Variants in ANKRD22 observed in about 807,000 individuals in gnomAD.
The protein encoded by ANKRD22 is ankyrin repeat domain-containing protein 22.
ANKRD22 carries 24 observed loss-of-function variants against 25.7 expected under a neutral mutation model. The ratio of observed to expected loss-of-function variants is 0.93; its 90% CI spans 0.68 to 1.31. The LOEUF is 1.31. Among genes scored for constraint, ANKRD22 ranks in the 50% most tolerant of loss-of-function variants. ANKRD22 has a pLI of 0.00. For missense variants in ANKRD22, 214 were observed against 227.1 expected (o/e 0.94, Z 0.37); for synonymous variants, 84 against 84.3 (o/e 1.00, Z 0.02).
intron 2 of ANKRD22, among the ~76,000 whole-genome samples, chr10:88,831,404 A>G (rs979821714): frequency 2.6e-5 from 4 of 152,224 alleles, no homozygotes; most frequent in Admixed American, 6.5e-5. Flanking sequence ...CAAGAACACT[A>G]TAGGATCCTC....
In ANKRD22 at chr10:88,828,658, T is replaced by C; in HGVS notation, c.222A>G (p.Arg74=). The C allele has an allele frequency of 6.3e-7, 1 of 1,582,292 alleles. No homozygotes were observed. The highest frequency in any genetic ancestry group is 8.6e-7 in the Non-Finnish European group (1 of 1,164,522). Reference sequence around the variant, plus strand: ...TCTTCACAGCATAATGCAAGCAGGTTCTCTCTTTCTAAAAATTAAGAAAAG... The same window carrying C: ...TCTTCACAGCATAATGCAAGCAGGTCCTCTCTTTCTAAAAATTAAGAAAAG... ...ANVNLKNQKE[R]TCLHYAVKKK... is the part of the protein sequence containing the mutation. The change falls in exon 3 of 6, where the codon AGA becomes AGG. Residue 74 remains arginine, a synonymous_variant. Transcript: ENST00000371930.
chr10:88,828,727 T>A, intron 2 of ANKRD22, 61 bp from the exon 3 acceptor site: 1 of 1,277,324 alleles, frequency 7.8e-7, no homozygotes, highest in Non-Finnish European at 1.1e-6. Flanking sequence ...TTTATTCAGA[T>A]GGCCATCTCA....
chr10:88,827,755 G>A (rs112700537), intron 3 of ANKRD22, among the ~76,000 whole-genome samples: 44 of 152,160 alleles, frequency 2.9e-4, no homozygotes, highest in Non-Finnish European at 5.0e-4. Context: ...CTTGTTCTGC[G>A]GCTGATGTTA....
chr10:88,823,456 T>A (rs1244432559), intron 4 of ANKRD22, 78 bp from the exon 5 acceptor site: 1 of 1,019,286 alleles, frequency 9.8e-7, no homozygotes, highest in Non-Finnish European at 1.6e-6. Flanking sequence ...CATTGGCAAA[T>A]CCTTTTCACA....
chr10:88,834,606 A>C (rs1688880961), intron 1 of ANKRD22, among the ~76,000 whole-genome samples: 1 of 152,222 alleles, frequency 6.6e-6, no homozygotes, highest in Non-Finnish European at 1.5e-5. Context: ...AGAATATTTC[A>C]TGTATTAATC....
At chr10:88,833,121 G>A (rs1843922848) in intron 1 of ANKRD22, among the ~76,000 whole-genome samples, 1 of 152,166 alleles carries the variant, frequency 6.6e-6, no homozygotes, top group Admixed American at 6.5e-5. Flanking sequence ...GGAGAGGTTT[G>A]AGGCAGTGCT....
intron 1 of ANKRD22, among the ~76,000 whole-genome samples, chr10:88,847,015 T>A (rs1844055228): frequency 6.6e-6 from 1 of 152,190 alleles, no homozygotes; most frequent in Non-Finnish European, 1.5e-5. Flanking sequence ...TATTCGCAGT[T>A]CTTTTAAATT....
At chr10:88,839,411 C>T (rs1037001866) in intron 1 of ANKRD22, among the ~76,000 whole-genome samples, 1 of 152,180 alleles carries the variant, frequency 6.6e-6, no homozygotes, top group Non-Finnish European at 1.5e-5. Context: ...CACTGCTGTT[C>T]TGCAAGCTCT....
At chr10:88,834,869 C>G (rs1214552) in intron 1 of ANKRD22, among the ~76,000 whole-genome samples, 54,952 of 151,870 alleles carry the variant, frequency 0.36, 10,556 homozygotes, top group African/African-American at 0.48. Context: ...CTTGATTCGG[C>G]AGTGAGCCGA....
intron 1 of ANKRD22, among the ~76,000 whole-genome samples, chr10:88,836,553 G>A (rs894613743): frequency 6.6e-6 from 1 of 152,108 alleles, no homozygotes; most frequent in Admixed American, 6.5e-5. Context: ...CAAATCAAGG[G>A]GAATGACTGC....
chr10:88,833,324 C>A (rs1002787157), intron 1 of ANKRD22, among the ~76,000 whole-genome samples: 2 of 151,534 alleles, frequency 1.3e-5, no homozygotes, highest in African/African-American at 4.9e-5. Context: ...TGAAAGTTAT[C>A]ATTATTGCAA....
chr10:88,851,758 C>T lies in ANKRD22; in HGVS notation c.-151G>A, dbSNP rs1274219479. On this transcript the variant is annotated 5_prime_UTR_variant, in exon 1 of 6. The change creates a new upstream start codon in the 5' untranslated region. Transcript: ENST00000371930. Reference sequence around the variant, plus strand: ...TCCAGGAGTGCTTTTCTAGCAAACACCTGTCAGTGCTTTTCCAGCAGCTCA... The same window carrying T: ...TCCAGGAGTGCTTTTCTAGCAAACATCTGTCAGTGCTTTTCCAGCAGCTCA... 1.0e-5 allele frequency: 8 copies of T among 764,662 alleles called. No homozygotes were observed. Among genetic ancestry groups the T allele is most frequent in the East Asian group, 2.6e-5 (1 of 38,872 alleles). 47.4% of individuals were successfully genotyped at this position (764,662 alleles called of 1,614,324 possible).
rs1045763152 is a variant in ANKRD22, at chr10:88,820,429, C to G, written c.*2512G>C. On this transcript the variant is annotated 3_prime_UTR_variant, in exon 6 of 6. Transcript: ENST00000371930. ...GTTTGGATGCTCCTCACCGTATGTA[C>G]AATGAAATCATCCATCTGATGCAGC... 15 of 1,552,004 alleles carry G rather than the reference C, an allele frequency of 9.7e-6. No individual in the cohort carries two copies. The highest frequency in any genetic ancestry group is 1.3e-5 in the Non-Finnish European group (15 of 1,147,004).
Position 88,822,544 on chromosome 10 carries a change from C to CTTTTTTTTTTTTTTTTGTTTTT in ANKRD22, c.*396_*397insAAAAACAAAAAAAAAAAAAAAA, listed in dbSNP as rs1843809007. 1 of 36,436 alleles carries CTTTTTTTTTTTTTTTTGTTTTT rather than the reference C, an allele frequency of 2.7e-5. No individual in the cohort carries two copies. Among genetic ancestry groups the CTTTTTTTTTTTTTTTTGTTTTT allele is most frequent in the Non-Finnish European group, 5.9e-5 (1 of 17,012 alleles). The allele number at this position is 36,436 out of a possible 1,614,324, so 2.3% of individuals were successfully genotyped here. On this transcript the variant is annotated 3_prime_UTR_variant, in exon 6 of 6. Transcript: ENST00000371930. ...AAAGACTGAGTTTGGAACACCAGGG[C>CTTTTTTTTTTTTTTTTGTTTTT]TTTTTTTTTTTTTTTTTTTTTTGAG...
At chr10:88,829,627 A>G (rs1426719886) in intron 2 of ANKRD22, among the ~76,000 whole-genome samples, 1 of 151,780 alleles carries the variant, frequency 6.6e-6, no homozygotes, top group Non-Finnish European at 1.5e-5. Flanking sequence ...AGAAACGTAT[A>G]TTTAGAATAT....
Position 88,820,203 on chromosome 10 carries a change from T to C in ANKRD22, c.*2738A>G. 6.6e-7 allele frequency: 1 copy of C among 1,515,824 alleles called. No individual in the cohort carries two copies. The highest frequency in any genetic ancestry group is 2.5e-5 in the East Asian group (1 of 40,696). 93.9% of individuals were successfully genotyped at this position (1,515,824 alleles called of 1,614,324 possible). ...TGAGCCTGAAAGTCCAAATGTTACC[T>C]AGAGTTAAGAACTATTCCTTTTCTC... On this transcript the variant is annotated 3_prime_UTR_variant, in exon 6 of 6. Coordinates refer to ENST00000371930, the MANE Select transcript of ANKRD22 (RefSeq NM_144590.3).
rs1183053488 is a variant in ANKRD22 at position 88,831,937 on chromosome 10, G to A, written c.111C>T (p.Gly37=). The A allele has an allele frequency of 3.1e-6, 5 of 1,613,946 alleles. No homozygotes were observed. The East Asian group carries it at 1.1e-4, about 36-fold the overall frequency. The change falls in exon 2 of 6, where the codon GGC becomes GGT. Residue 37 remains glycine (G), a synonymous_variant. Coordinates refer to ENST00000371930, the MANE Select transcript of ANKRD22 (RefSeq NM_144590.3). ...EDSSYANVQD[G]FNGDTPLICA... ...AGATCAGGGGCGTGTCTCCATTAAA[G>A]CCATCTTGAACGTTGGCATAGCTGC...
chr10:88,832,511 T>TTATCTTTACTAAAGATAAAA (rs1843915343), intron 1 of ANKRD22, among the ~76,000 whole-genome samples: 2 of 145,790 alleles, frequency 1.4e-5, no homozygotes, highest in East Asian at 2.7e-4. Context: ...CAAAATGTCT[T>TTATCTTTACTAAAGATAAAA]TATCTTTATC....
intron 1 of ANKRD22, among the ~76,000 whole-genome samples, chr10:88,851,210 C>T (rs545474217): frequency 1.8e-4 from 28 of 152,178 alleles, no homozygotes; most frequent in African/African-American, 6.5e-4. Flanking sequence ...AAGAGGCAGT[C>T]AATCTTTTGG....
Sources: gnomAD v4.1 joint callset for allele counts (sites outside exome capture counted in the v4.1 genomes callset) on GRCh38, gnomAD v4.1.1 for gene constraint, MANE v1.5 for transcripts, NCBI Gene and HGNC (gene_info 2026-07-23, HGNC 2026-07-21) for gene names.